Variants in CDH22 observed in about 807,000 individuals in gnomAD.
CDH22 encodes cadherin 22.
Under a neutral mutation model 58.4 loss-of-function variants are expected in CDH22, and 30 were observed. The ratio of observed to expected loss-of-function variants is 0.51; its 90% CI spans 0.38 to 0.70. The LOEUF is 0.70. Ranked by LOEUF, CDH22 falls within the 30% of genes least tolerant of loss-of-function variation. The pLI, the probability that CDH22 is intolerant of heterozygous loss-of-function variation, is 0.00. For synonymous variants in CDH22, 513 were observed against 558.2 expected (o/e 0.92, Z 1.14); for missense variants, 1,014 against 1,233.9 (o/e 0.82, Z 2.67).
At chr20:46,305,927 G>T (rs2086674259) in intron 1 of CDH22, among the ~76,000 whole-genome samples, 1 of 152,202 alleles carries the variant, frequency 6.6e-6, no homozygotes, top group Non-Finnish European at 1.5e-5. Context: ...GGGCTTTGGG[G>T]GTTCCAACCT....
At chr20:46,191,925 G>A (rs1036794558) in intron 8 of CDH22, among the ~76,000 whole-genome samples, 11 of 152,002 alleles carry the variant, frequency 7.2e-5, no homozygotes, top group Non-Finnish European at 1.5e-4. Flanking sequence ...TGGCCTCGTT[G>A]CTACCCCTCC....
In CDH22 at chr20:46,251,350, C is replaced by T; in HGVS notation, c.-56G>A. On this transcript the variant is annotated 5_prime_UTR_variant, in exon 2 of 12. Transcript: ENST00000537909. This position sits in a 1 kb window ranked among gnomAD's most constrained non-coding sequence, Gnocchi z 6.7. ...GCATGGACGAGAGGCACCAGGGCGC[C>T]GCTGCTTGGTCGCACAACGATGCGG... is the stretch of plus-strand genomic sequence containing the variant. 1.4e-6 allele frequency: 2 copies of T among 1,402,832 alleles called. No homozygotes were observed. Among genetic ancestry groups the T allele is most frequent in the Non-Finnish European group, 1.8e-6 (2 of 1,086,866 alleles). 86.9% of individuals were successfully genotyped at this position (1,402,832 alleles called of 1,614,324 possible).
chr20:46,185,108 C>CAAACAAAA (rs2085815334), intron 10 of CDH22, among the ~76,000 whole-genome samples: 5 of 105,604 alleles, frequency 4.7e-5, no homozygotes, highest in African/African-American at 7.2e-5. Context: ...AAACAAAAAA[C>CAAACAAAA]AACAAAAAAA....
intron 1 of CDH22, among the ~76,000 whole-genome samples, chr20:46,279,687 G>A (rs1012107510): frequency 2.0e-5 from 3 of 152,182 alleles, no homozygotes; most frequent in Non-Finnish European, 4.4e-5. Flanking sequence ...AAGTGGGAGG[G>A]GACCAGATTG....
At chr20:46,238,291 AG>A (rs2086267746) in intron 3 of CDH22, among the ~76,000 whole-genome samples, 2 of 152,158 alleles carry the variant, frequency 1.3e-5, no homozygotes, top group South Asian at 4.1e-4. Flanking sequence ...GTCAGTAGGT[AG>A]GGGCTGCCGG....
intron 8 of CDH22, among the ~76,000 whole-genome samples, chr20:46,193,363 G>T (rs549715214): frequency 2.0e-5 from 3 of 151,970 alleles, no homozygotes; most frequent in African/African-American, 7.3e-5. Flanking sequence ...TCTCTTTCCC[G>T]GGCAGCCTCC....
intron 1 of CDH22, among the ~76,000 whole-genome samples, chr20:46,271,381 C>G (rs982041668): frequency 6.6e-6 from 1 of 152,158 alleles, no homozygotes; most frequent in African/African-American, 2.4e-5. Context: ...ACCTTCAGCC[C>G]TCTCTAAGAG....
chr20:46,223,986 T>C (rs1246406957), intron 4 of CDH22, among the ~76,000 whole-genome samples: 1 of 152,066 alleles, frequency 6.6e-6, no homozygotes, highest in African/African-American at 2.4e-5. Flanking sequence ...CCCGAGTAGC[T>C]GGGATTACAG....
Position 46,227,541 on chromosome 20 carries a change from C to T in CDH22, c.637G>A (p.Gly213Ser), listed in dbSNP as rs753809330. 5 of 1,610,730 alleles carry T rather than the reference C, an allele frequency of 3.1e-6. No individual in the cohort carries two copies. Among genetic ancestry groups the T allele is most frequent in the South Asian group, 2.2e-5 (2 of 90,692 alleles). Residue 213 changes from glycine to serine, a missense_variant, in exon 4 of 12, where the codon GGC (glycine) becomes AGC (serine). By Grantham distance (56) the Gly-to-Ser change is moderately conservative (BLOSUM62 0). Coordinates refer to ENST00000537909, the MANE Select transcript of CDH22 (RefSeq NM_021248.3). The part of the protein sequence containing the change: ...SARLVYSVLD[G>S]EHHFTVDPKT... ...GGGTCCACGGTGAAGTGGTGCTCGC[C>T]GTCCAGCACGCTGTACACCAGCCGA...
chr20:46,269,382 G>C (rs2086476742), intron 1 of CDH22, among the ~76,000 whole-genome samples: 1 of 152,186 alleles, frequency 6.6e-6, no homozygotes, highest in African/African-American at 2.4e-5. Context: ...TGACAGTGTG[G>C]GTCCCAAATC....
chr20:46,246,478 C>T (rs1046536730), intron 2 of CDH22, among the ~76,000 whole-genome samples: 1 of 152,056 alleles, frequency 6.6e-6, no homozygotes, highest in Non-Finnish European at 1.5e-5. Context: ...ACAGAGGCCT[C>T]GGGGGAAATT....
chr20:46,226,285 TCTTCTTC>T (rs1568665356), intron 4 of CDH22, among the ~76,000 whole-genome samples: 29 of 3,590 alleles, frequency 8.1e-3, no homozygotes, highest in South Asian at 0.017. Context: ...TTCTTCTTCT[TCTTCTTC>T]TTTTTTTTTT....
At position 46,216,307 on chromosome 20, in the gene CDH22, C is replaced by A. The variant is rs1381910970; in HGVS notation, c.838+519G>T. ...TTCAGAAGCACAGAGTCGCGCTACC[C>A]AGGCTCAGAGGAGGAGGGAAATGCC... On this transcript the variant is annotated intron_variant, in intron 5 of 11. Coordinates refer to ENST00000537909, the MANE Select transcript of CDH22 (RefSeq NM_021248.3). The surrounding 1 kb of genome is among the most constrained non-coding windows in gnomAD (Gnocchi z 5.3). Among the ~76,000 whole-genome samples the A allele has an allele frequency of 6.6e-6, 1 of 152,228 alleles. No homozygotes were observed. Among genetic ancestry groups the A allele is most frequent in the Non-Finnish European group, 1.5e-5 (1 of 68,034 alleles).
At chr20:46,193,501 G>A (rs1056155313) in intron 8 of CDH22, among the ~76,000 whole-genome samples, 1 of 152,040 alleles carries the variant, frequency 6.6e-6, no homozygotes, top group Admixed American at 6.6e-5. Flanking sequence ...CCATGAACCC[G>A]AGGGAACACT....
intron 8 of CDH22, among the ~76,000 whole-genome samples, chr20:46,193,586 T>G (rs1413195577): frequency 1.3e-5 from 2 of 152,144 alleles, no homozygotes; most frequent in East Asian, 3.9e-4. Context: ...CCAGGAGATG[T>G]CTGGTTCCTC....
At chr20:46,307,136 G>C (rs368285041) in intron 1 of CDH22, among the ~76,000 whole-genome samples, 44 of 152,336 alleles carry the variant, frequency 2.9e-4, no homozygotes, top group Middle Eastern at 3.4e-3. Flanking sequence ...CAACCCTGGC[G>C]ACGCCCGAAG....
intron 4 of CDH22, among the ~76,000 whole-genome samples, chr20:46,219,225 A>C (rs1013545510): frequency 6.6e-6 from 1 of 152,134 alleles, no homozygotes; most frequent in African/African-American, 2.4e-5. Flanking sequence ...TGGCCTTCTC[A>C]ACGCCTCAGT....
At chr20:46,253,579 C>T (rs562259888) in intron 1 of CDH22, among the ~76,000 whole-genome samples, 29 of 152,284 alleles carry the variant, frequency 1.9e-4, no homozygotes, top group South Asian at 4.1e-4. Context: ...AGCCCTGCTC[C>T]GCAAGCCCTG....
intron 7 of CDH22, among the ~76,000 whole-genome samples, chr20:46,202,600 G>A (rs1273718013): frequency 2.0e-5 from 3 of 152,066 alleles, no homozygotes; most frequent in South Asian, 2.1e-4. Context: ...TGATCCGCCC[G>A]CCTCGGCCTC....
Sources: gnomAD v4.1 joint callset for allele counts (sites outside exome capture counted in the v4.1 genomes callset) on GRCh38, gnomAD v4.1.1 for gene constraint, Gnocchi (gnomAD v3.1) non-coding constraint, MANE v1.5 for transcripts, NCBI Gene and HGNC (gene_info 2026-07-23, HGNC 2026-07-21) for gene names.